KCNK12: variants seen among roughly 807,000 people sequenced by gnomAD.
The protein encoded by KCNK12 is potassium channel subfamily K member 12.
KCNK12 carries 6 observed loss-of-function variants against 25.3 expected under a neutral mutation model. The observed-to-expected ratio is 0.24, with a 90% CI of 0.13 to 0.47. KCNK12 has a LOEUF of 0.47. Ranked by LOEUF, KCNK12 falls within the 20% of genes least tolerant of loss-of-function variation. The probability of loss-of-function intolerance (pLI) is 0.99; values close to 1 mark genes in which losing one functional copy is unlikely to be tolerated. For synonymous variants in KCNK12, 331 were observed against 311.1 expected (o/e 1.06, Z -0.67); for missense variants, 444 against 661.7 (o/e 0.67, Z 3.61).
chr2:47,558,826 T>C (rs1171050354), intron 1 of KCNK12, among the ~76,000 whole-genome samples: 1 of 152,150 alleles, frequency 6.6e-6, no homozygotes, highest in East Asian at 1.9e-4. Context: ...TGCTGGGCCG[T>C]GTGGGTGGGG....
At chr2:47,563,805 A>G (rs956829598) in intron 1 of KCNK12, 3 of 232,766 alleles carry the variant, frequency 1.3e-5, no homozygotes, top group Non-Finnish European at 2.5e-5. Flanking sequence ...AGAATACTCT[A>G]GGAGTGTACC....
At chr2:47,558,628 C>G (rs541143880) in intron 1 of KCNK12, among the ~76,000 whole-genome samples, 4 of 152,270 alleles carry the variant, frequency 2.6e-5, no homozygotes, top group East Asian at 1.9e-4. Flanking sequence ...CAGGCTCACA[C>G]GAGGCGCTCA....
At position 47,511,577 on chromosome 2, in the gene KCNK12, T is replaced by C. The variant is rs1668403993; in HGVS notation, c.*9330A>G. Reference sequence around the variant, plus strand: ...GGTGTGACATCACAGGGTAACCAAATGCTTTTGCCCTGGGGGTGGGAGAGG... The same window carrying C: ...GGTGTGACATCACAGGGTAACCAAACGCTTTTGCCCTGGGGGTGGGAGAGG... On this transcript the variant is annotated 3_prime_UTR_variant, in exon 2 of 2. Transcript: ENST00000327876. This position sits in a 1 kb window ranked among gnomAD's most constrained non-coding sequence, Gnocchi z 4.3. Among the ~76,000 whole-genome samples the C allele has an allele frequency of 6.6e-6, 1 of 152,096 alleles. No individual in the cohort carries two copies.
intron 1 of KCNK12, among the ~76,000 whole-genome samples, chr2:47,537,841 G>A (rs927519781): frequency 7.9e-5 from 12 of 152,208 alleles, no homozygotes; most frequent in Non-Finnish European, 1.5e-4. Flanking sequence ...GATGTCAGGG[G>A]ATTCCGGGAA....
At position 47,555,522 on chromosome 2, in the gene KCNK12, A is replaced by G. The variant is rs1379825155; in HGVS notation, c.391+14419T>C. Among the ~76,000 whole-genome samples the G allele has an allele frequency of 2.0e-5, 3 of 152,188 alleles. No individual in the cohort carries two copies. The East Asian group carries it at 5.8e-4, about 29-fold the overall frequency. Reference sequence around the variant, plus strand: ...TCCTATATTTATCTTCCCATAATTTACCACTTCTAGAAGTCCAAACTCCTT... The same window carrying G: ...TCCTATATTTATCTTCCCATAATTTGCCACTTCTAGAAGTCCAAACTCCTT... On this transcript the variant is annotated intron_variant, in intron 1 of 1. Transcript: ENST00000327876. This position sits in a 1 kb window ranked among gnomAD's most constrained non-coding sequence, Gnocchi z 4.5.
At chr2:47,554,708 C>G (rs921927917) in intron 1 of KCNK12, among the ~76,000 whole-genome samples, 1 of 152,188 alleles carries the variant, frequency 6.6e-6, no homozygotes, top group African/African-American at 2.4e-5. Flanking sequence ...CTTGGCCTGA[C>G]TTCCGCTTTT....
chr2:47,530,806 G>A (rs1302761369), intron 1 of KCNK12, among the ~76,000 whole-genome samples: 2 of 152,186 alleles, frequency 1.3e-5, no homozygotes, highest in Non-Finnish European at 2.9e-5. Context: ...GAACTATAGT[G>A]GGGATGATTA....
rs1414081935 is a variant in KCNK12, at chr2:47,565,080, T to C, written c.391+4861A>G. 6.6e-6 allele frequency: 1 copy of C among 151,818 alleles called. No homozygotes were observed. Among genetic ancestry groups the C allele is most frequent in the Non-Finnish European group, 1.5e-5 (1 of 68,004 alleles). The allele number at this position is 151,818 out of a possible 1,614,324, so 9.4% of individuals were successfully genotyped here. On this transcript the variant is annotated intron_variant, in intron 1 of 1. Coordinates refer to ENST00000327876, the MANE Select transcript of KCNK12 (RefSeq NM_022055.2). The surrounding 1 kb of genome is among the most constrained non-coding windows in gnomAD (Gnocchi z 5.0). ...TTCTTGGGAGGCTGCGGTGGAAAGA[T>C]TGCTTGTGCCCAGGAGGTTGAGGCT...
At position 47,512,569 on chromosome 2, in the gene KCNK12, C is replaced by T. The variant is rs920249293; in HGVS notation, c.*8338G>A. On this transcript the variant is annotated 3_prime_UTR_variant, in exon 2 of 2. Transcript: ENST00000327876. ...AAAGGGGTCAGGAATATAACTTTCT[C>T]TGCCCAGATTCCAGGACTTACAGTG... The T allele has an allele frequency of 4.0e-6, 4 of 1,000,328 alleles. No individual in the cohort carries two copies. The South Asian group carries it at 5.2e-5, about 13-fold the overall frequency. The allele number at this position is 1,000,328 out of a possible 1,614,324, so 62.0% of individuals were successfully genotyped here. A position where few individuals can be genotyped will look rare whatever the true frequency, so the allele number is the denominator to read the frequency against.
In KCNK12 at chr2:47,528,977, T is replaced by A. The variant is rs1377430832; in HGVS notation, c.392-7169A>T. ...ACGCCCAAAAATGCAGGCAAGGAAA[T>A]GGGCTGAGGGAGGGGAAGCATTCAC... On this transcript the variant is annotated intron_variant, in intron 1 of 1. Coordinates refer to ENST00000327876, the MANE Select transcript of KCNK12 (RefSeq NM_022055.2). This position sits in a 1 kb window ranked among gnomAD's most constrained non-coding sequence, Gnocchi z 4.5. 6.6e-6 allele frequency: 1 copy of A among 152,220 alleles called. No homozygotes were observed. The highest frequency in any genetic ancestry group is 1.5e-5 in the Non-Finnish European group (1 of 68,070). The allele number at this position is 152,220 out of a possible 1,614,324, so 9.4% of individuals were successfully genotyped here.
At chr2:47,563,061 C>G in intron 1 of KCNK12, 1 of 233,370 alleles carries the variant, frequency 4.3e-6, no homozygotes, top group Non-Finnish European at 8.5e-6. Context: ...CCAAGATCCT[C>G]TGAATCTGAG....
Position 47,510,436 on chromosome 2 carries a change from G to C in KCNK12, c.*10471C>G, listed in dbSNP as rs938516116. On this transcript the variant is annotated 3_prime_UTR_variant, in exon 2 of 2. Transcript: ENST00000327876. The stretch of plus-strand genomic sequence containing the variant: ...TACAGGAGGGACCCTGTGATTGGCA[G>C]TTCCACTAGACTGCATGGAGATGGG... 7 of 152,194 alleles carry C rather than the reference G, an allele frequency of 4.6e-5. No individual in the cohort carries two copies. Among genetic ancestry groups the C allele is most frequent in the African/African-American group, 1.7e-4 (7 of 41,440 alleles). The allele number at this position is 152,194 out of a possible 1,614,324, so 9.4% of individuals were successfully genotyped here.
In KCNK12 at chr2:47,547,188, A is replaced by T. The variant is rs1669332539; in HGVS notation, c.391+22753T>A. Among the ~76,000 whole-genome samples the T allele has an allele frequency of 6.6e-6, 1 of 152,194 alleles. No homozygotes were observed. The highest frequency in any genetic ancestry group is 2.4e-5 in the African/African-American group (1 of 41,446). On this transcript the variant is annotated intron_variant, in intron 1 of 1. Transcript: ENST00000327876. The surrounding 1 kb of genome is among the most constrained non-coding windows in gnomAD (Gnocchi z 5.0). ...CCTAGCTTAGCCTCCTTCATCTTCA[A>T]GGGCACTGCGGCTCAATCTTCAGAT...
At chr2:47,550,987 T>C (rs1669418341) in intron 1 of KCNK12, among the ~76,000 whole-genome samples, 1 of 152,106 alleles carries the variant, frequency 6.6e-6, no homozygotes, top group African/African-American at 2.4e-5. Context: ...CTCTTTTGTC[T>C]CCCTGCTTTT....
intron 1 of KCNK12, chr2:47,564,388 C>A (rs142096885): frequency 2.7e-4 from 60 of 225,980 alleles, no homozygotes; most frequent in African/African-American, 1.3e-3. Context: ...GGCCATCTTG[C>A]GTAAAGATGA....
chr2:47,543,591 T>C (rs1010447328), intron 1 of KCNK12: 6 of 152,304 alleles, frequency 3.9e-5, no homozygotes, highest in East Asian at 3.9e-4. Context: ...GCTCCTGTTC[T>C]GTGGCAAGAC....
chr2:47,534,515 A>AACCCC (rs1558553053), intron 1 of KCNK12, among the ~76,000 whole-genome samples: 8 of 48,152 alleles, frequency 1.7e-4, no homozygotes, highest in Non-Finnish European at 2.6e-4. Flanking sequence ...GCCCCTTCTA[A>AACCCC]CCCCCCCCCC....
In KCNK12 at chr2:47,515,727, A is replaced by G. The variant is rs912501209; in HGVS notation, c.*5180T>C. ...CTCATTTCTAGGGAAAATTGAAGGAAAAGAAGGAGGGGGATGTGGAGGGGA... is the reference window on the plus strand; with the variant it reads ...CTCATTTCTAGGGAAAATTGAAGGAGAAGAAGGAGGGGGATGTGGAGGGGA... On this transcript the variant is annotated 3_prime_UTR_variant, in exon 2 of 2. Coordinates refer to ENST00000327876, the MANE Select transcript of KCNK12 (RefSeq NM_022055.2). Among the ~76,000 whole-genome samples the G allele has an allele frequency of 6.6e-6, 1 of 152,146 alleles. No homozygotes were observed. Among genetic ancestry groups the G allele is most frequent in the Non-Finnish European group, 1.5e-5 (1 of 68,014 alleles).
At chr2:47,552,212 C>A (rs1401173034) in intron 1 of KCNK12, among the ~76,000 whole-genome samples, 1 of 152,184 alleles carries the variant, frequency 6.6e-6, no homozygotes, top group Non-Finnish European at 1.5e-5. Context: ...GAATTAAGGT[C>A]ATTGCCACAC....
Sources: gnomAD v4.1 joint callset for allele counts (sites outside exome capture counted in the v4.1 genomes callset) on GRCh38, gnomAD v4.1.1 for gene constraint, Gnocchi (gnomAD v3.1) non-coding constraint, MANE v1.5 for transcripts, NCBI Gene and HGNC (gene_info 2026-07-23, HGNC 2026-07-21) for gene names.